The following PLEKHA5 variants were observed in gnomAD, a reference collection of about 807,000 sequenced individuals.
PLEKHA5 encodes pleckstrin homology domain-containing family A member 5.
In PLEKHA5, 55 loss-of-function variants were observed where a neutral mutation model predicts 181.9. That is an observed-to-expected ratio of 0.30 (90% confidence interval 0.24 to 0.38). The LOEUF is 0.38. Ranked by LOEUF, PLEKHA5 falls within the 10% of genes least tolerant of loss-of-function variation. The pLI, the probability that PLEKHA5 is intolerant of heterozygous loss-of-function variation, is 1.00. For synonymous variants in PLEKHA5, 535 were observed against 529.4 expected, an observed-to-expected ratio of 1.01 and a Z score of -0.15; for missense variants, 1,432 against 1,549.5, an observed-to-expected ratio of 0.92 and a Z score of 1.27.
chr12:19,184,891 G>A (rs548130496), intron 3 of PLEKHA5, among the ~76,000 whole-genome samples: 155 of 152,280 alleles, frequency 1.0e-3, no homozygotes, highest in African/African-American at 3.6e-3. Context: ...CGCTAATGCA[G>A]GTCCTGGAAG....
At chr12:19,301,795 T>C (rs2081539303) in intron 15 of PLEKHA5, among the ~76,000 whole-genome samples, 1 of 152,214 alleles carries the variant, frequency 6.6e-6, no homozygotes, top group Non-Finnish European at 1.5e-5. Flanking sequence ...CCCCTTCAGT[T>C]ATAAAGAGAC....
intron 3 of PLEKHA5, among the ~76,000 whole-genome samples, chr12:19,145,684 G>T (rs973057004): frequency 2.6e-5 from 4 of 150,954 alleles, no homozygotes; most frequent in East Asian, 3.9e-4. Context: ...TATTTCCCCC[G>T]CCCCCTGCCC....
intron 3 of PLEKHA5, among the ~76,000 whole-genome samples, chr12:19,226,837 G>T (rs2059760334): frequency 6.6e-6 from 1 of 151,932 alleles, no homozygotes; most frequent in African/African-American, 2.4e-5. Flanking sequence ...TTCTTGTTTT[G>T]TCTTTTATAT....
intron 3 of PLEKHA5, among the ~76,000 whole-genome samples, chr12:19,247,776 G>C (rs1306228594): frequency 6.6e-6 from 1 of 151,542 alleles, no homozygotes; most frequent in Non-Finnish European, 1.5e-5. Context: ...AAGGTAGGGG[G>C]TGAGGGCATT....
intron 3 of PLEKHA5, among the ~76,000 whole-genome samples, chr12:19,181,669 G>T (rs1265020905): frequency 6.6e-6 from 1 of 152,040 alleles, no homozygotes; most frequent in Admixed American, 6.6e-5. Flanking sequence ...CCAGCTGCTC[G>T]GGAGGCTGAG....
intron 3 of PLEKHA5, among the ~76,000 whole-genome samples, chr12:19,136,530 C>T (rs1289213111): frequency 6.6e-6 from 1 of 152,114 alleles, no homozygotes; most frequent in Non-Finnish European, 1.5e-5. Flanking sequence ...GAAAATATTG[C>T]TTAATGATTC....
chr12:19,274,970 G>A lies in PLEKHA5; in HGVS notation c.1300G>A (p.Glu434Lys), dbSNP rs2074081475. 6.2e-7 allele frequency: 1 copy of A among 1,605,718 alleles called. No homozygotes were observed. Among genetic ancestry groups the A allele is most frequent in the Admixed American group, 1.7e-5 (1 of 59,880 alleles). ...IKIQKGRGHE[E>K]ETRGVISYQT... Reference sequence around the variant, plus strand: ...AATCCAGAAGGGGAGGGGTCATGAAGAAGAAACCAGGGGGTAAGTGTCTGT... The same window carrying A: ...AATCCAGAAGGGGAGGGGTCATGAAAAAGAAACCAGGGGGTAAGTGTCTGT... Residue 434 changes from glutamate to lysine, a missense_variant, in exon 11 of 32, where the codon GAA becomes AAA. Coordinates refer to ENST00000429027, the MANE Select transcript of PLEKHA5 (RefSeq NM_001256470.2).
chr12:19,233,383 A>G (rs1453453308), intron 3 of PLEKHA5, among the ~76,000 whole-genome samples: 1 of 152,200 alleles, frequency 6.6e-6, no homozygotes, highest in Non-Finnish European at 1.5e-5. Flanking sequence ...TCAACTGATG[A>G]AACATTTGCA....
Position 19,353,886 on chromosome 12 carries a change from T to C in PLEKHA5, c.3022T>C (p.Ser1008Pro). 6.7e-7 allele frequency: 1 copy of C among 1,494,314 alleles called. No individual in the cohort carries two copies. The highest frequency in any genetic ancestry group is 9.3e-7 in the Non-Finnish European group (1 of 1,073,012). The allele number at this position is 1,494,314 out of a possible 1,614,324, so 92.6% of individuals were successfully genotyped here. Residue 1008 changes from serine (S) to proline (P), a missense_variant and splice_region_variant, in exon 26 of 32, where the codon TCC (serine) becomes CCC (proline). By Grantham distance (74) the Ser-to-Pro change is moderately conservative. Around this residue, in one of 2 missense-constraint regions of PLEKHA5, gnomAD observed 1,143 missense variants for 1,168.4 expected, o/e 0.98. Transcript: ENST00000429027. ...CTTACTGCTGTTTTAATTTTTAGGTTCCCACTTTCCTGTTGGAGTAGTCCC... is the reference window on the plus strand; with the variant it reads ...CTTACTGCTGTTTTAATTTTTAGGTCCCCACTTTCCTGTTGGAGTAGTCCC... Reference protein sequence around the residue: ...SEIETSVVKGSHFPVGVVPPR... With the variant: ...SEIETSVVKGPHFPVGVVPPR...
intron 3 of PLEKHA5, among the ~76,000 whole-genome samples, chr12:19,230,606 A>G (rs2060377787): frequency 6.6e-6 from 1 of 152,156 alleles, no homozygotes; most frequent in South Asian, 2.1e-4. Context: ...CCTGGGTGCT[A>G]AGCCCCTCAC....
At chr12:19,182,311 G>T (rs1483631408) in intron 3 of PLEKHA5, among the ~76,000 whole-genome samples, 1 of 152,138 alleles carries the variant, frequency 6.6e-6, no homozygotes, top group Non-Finnish European at 1.5e-5. Context: ...ATTATTGCCA[G>T]TGAGACAGTT....
chr12:19,320,284 T>C (rs1432036344), intron 17 of PLEKHA5, among the ~76,000 whole-genome samples: 1 of 152,118 alleles, frequency 6.6e-6, no homozygotes, highest in African/African-American at 2.4e-5. Context: ...AAAGAAATGA[T>C]GTAAGATACT....
At chr12:19,231,612 A>ATATTTATATATGTAC (rs1424318753) in intron 3 of PLEKHA5, among the ~76,000 whole-genome samples, 112 of 146,790 alleles carry the variant, frequency 7.6e-4, no homozygotes, top group Admixed American at 1.0e-3. Flanking sequence ...ATATATATAT[A>ATATTTATATATGTAC]AATACTCATA....
intron 21 of PLEKHA5, among the ~76,000 whole-genome samples, chr12:19,339,984 A>G (rs1437231619): frequency 6.6e-6 from 1 of 152,226 alleles, no homozygotes; most frequent in Admixed American, 6.6e-5. Context: ...CCAATGGAAC[A>G]GAATAGAGAG....
At chr12:19,372,316 G>C (rs1271077748) in intron 31 of PLEKHA5, 1 of 152,106 alleles carries the variant, frequency 6.6e-6, no homozygotes, top group African/African-American at 2.4e-5. Context: ...GCAGGAATAA[G>C]GAGGCATCTC....
chr12:19,263,446 TCTTCA>T (rs919674021), intron 7 of PLEKHA5, among the ~76,000 whole-genome samples: 1 of 152,300 alleles, frequency 6.6e-6, no homozygotes, highest in African/African-American at 2.4e-5. Context: ...TCAGATATCC[TCTTCA>T]CTTAAATGCT....
intron 15 of PLEKHA5, among the ~76,000 whole-genome samples, chr12:19,292,340 A>C (rs533885342): frequency 6.6e-6 from 1 of 151,848 alleles, no homozygotes. Context: ...CGGGAGGTGG[A>C]GGTTGCAGTG....
rs577169995 is a variant in PLEKHA5 at position 19,376,145 on chromosome 12, T to C, written c.*626T>C. The C allele has an allele frequency of 4.9e-4, 73 of 149,772 alleles. No individual in the cohort carries two copies. The highest frequency in any genetic ancestry group is 1.8e-3 in the African/African-American group (73 of 40,826). The allele number at this position is 149,772 out of a possible 1,614,324, so 9.3% of individuals were successfully genotyped here. On this transcript the variant is annotated 3_prime_UTR_variant, in exon 32 of 32. Coordinates refer to ENST00000429027, the MANE Select transcript of PLEKHA5 (RefSeq NM_001256470.2). ...AACACAAATGTTACTGCTTATCTTTTCTTAAAAAAAAAAAAAACAAAGTGT... is the reference window on the plus strand; with the variant it reads ...AACACAAATGTTACTGCTTATCTTTCCTTAAAAAAAAAAAAAACAAAGTGT...
Position 19,334,860 on chromosome 12 carries a change from ATATATATATC to A in PLEKHA5, c.2449-1653_2449-1644del, listed in dbSNP as rs1367964589. On this transcript the variant is annotated intron_variant, in intron 20 of 31. Coordinates refer to ENST00000429027, the MANE Select transcript of PLEKHA5 (RefSeq NM_001256470.2). ...TATATATATATATATATATATATAT[ATATATATATC>A]TCTGTATACGCACACACACACAAAA... is the stretch of plus-strand genomic sequence containing the variant. 1.1e-3 allele frequency among the ~76,000 whole-genome samples: 68 copies of A among 63,678 alleles called. 8 individuals carry two copies. Among genetic ancestry groups the A allele is most frequent in the South Asian group, 2.7e-3 (5 of 1,870 alleles). 41.8% of individuals were successfully genotyped at this position (63,678 alleles called of 152,430 possible).
Sources: allele counts gnomAD v4.1 joint callset (sites outside exome capture counted in the v4.1 genomes callset), GRCh38; gene constraint gnomAD v4.1.1; regional missense constraint gnomAD v4.1.1; transcripts MANE v1.5; gene names NCBI Gene and HGNC (gene_info 2026-07-23, HGNC 2026-07-21).